The following RTN1 variants were observed in gnomAD, a reference collection of about 807,000 sequenced individuals.
RTN1 encodes reticulon-1.
RTN1 carries 25 observed loss-of-function variants against 65.5 expected under a neutral mutation model. That is an observed-to-expected ratio of 0.38 (90% confidence interval 0.28 to 0.53). The LOEUF (loss-of-function observed/expected upper bound fraction) is 0.53, where lower values mean the gene tolerates loss of function less well. Ranked by LOEUF, RTN1 falls within the 20% of genes least tolerant of loss-of-function variation. The pLI is 0.79. For synonymous variants in RTN1, 471 were observed against 447.6 expected (o/e 1.05, Z -0.66); for missense variants, 983 against 1,025.4 (o/e 0.96, Z 0.57).
intron 3 of RTN1, among the ~76,000 whole-genome samples, chr14:59,637,855 C>A (rs991084583): frequency 6.6e-6 from 1 of 151,470 alleles, no homozygotes; most frequent in African/African-American, 2.4e-5. Context: ...TATAGACTTA[C>A]AATTTTTTTT....
intron 1 of RTN1, among the ~76,000 whole-genome samples, chr14:59,802,588 T>C (rs767008540): frequency 6.6e-6 from 1 of 152,226 alleles, no homozygotes; most frequent in African/African-American, 2.4e-5. Context: ...TTATATGAGA[T>C]GGCATTTGGA....
Position 59,673,070 on chromosome 14 carries a change from T to G in RTN1, c.1765+53849A>C, listed in dbSNP as rs1256622762. The stretch of plus-strand genomic sequence containing the variant: ...CAACTTTCATTTTTTAAATGAAAAC[T>G]TTTATTGAAATACTTGTATAATACT... On this transcript the variant is annotated intron_variant, in intron 3 of 8. Transcript: ENST00000267484. 2.6e-5 allele frequency among the ~76,000 whole-genome samples: 4 copies of G among 152,244 alleles called. No homozygotes were observed. The East Asian group carries it at 7.7e-4, about 29-fold the overall frequency.
intron 3 of RTN1, among the ~76,000 whole-genome samples, chr14:59,691,280 C>T (rs752212896): frequency 6.6e-6 from 1 of 152,058 alleles, no homozygotes; most frequent in Non-Finnish European, 1.5e-5. Flanking sequence ...AGAAATATAA[C>T]AAATCCTCAG....
chr14:59,604,329 G>T (rs1368282513), intron 5 of RTN1: 1 of 157,954 alleles, frequency 6.3e-6, no homozygotes, highest in African/African-American at 2.4e-5. Context: ...ACACAGTCAA[G>T]CCCTTCCTTT....
At chr14:59,724,999 G>A (rs1023688667) in intron 3 of RTN1, among the ~76,000 whole-genome samples, 7 of 152,060 alleles carry the variant, frequency 4.6e-5, no homozygotes, top group East Asian at 1.9e-4. Context: ...ACCTTGGCAC[G>A]CCCTCATCTT....
In RTN1 at chr14:59,774,801, A is replaced by AGGTC. The variant is rs1456294501; in HGVS notation, c.242-28321_242-28320insGACC. Among the ~76,000 whole-genome samples, 20 of 152,314 alleles carry AGGTC rather than the reference A, an allele frequency of 1.3e-4. No homozygotes were observed. Among genetic ancestry groups the AGGTC allele is most frequent in the African/African-American group, 3.8e-4 (16 of 41,592 alleles). On this transcript the variant is annotated intron_variant, in intron 1 of 8. Coordinates refer to ENST00000267484, the MANE Select transcript of RTN1 (RefSeq NM_021136.3). This position sits in a 1 kb window ranked among gnomAD's most constrained non-coding sequence, Gnocchi z 5.1. Reference sequence around the variant, plus strand: ...GCCAACTCACAACATCTCCCCAAGGAGACCACATGATCAGAACTCACTCTT... The same window carrying AGGTC: ...GCCAACTCACAACATCTCCCCAAGGAGGTCGACCACATGATCAGAACTCACTCTT...
At chr14:59,823,221 A>G (rs1232144540) in intron 1 of RTN1, among the ~76,000 whole-genome samples, 2 of 151,942 alleles carry the variant, frequency 1.3e-5, no homozygotes, top group African/African-American at 4.8e-5. Flanking sequence ...AAGAGAGTTA[A>G]GTCTTCTTGT....
chr14:59,726,304 A>C (rs2139476304), intron 3 of RTN1, among the ~76,000 whole-genome samples: 1 of 152,378 alleles, frequency 6.6e-6, no homozygotes, highest in East Asian at 1.9e-4. Flanking sequence ...AGACTTTAAA[A>C]GTGAATGAAT....
chr14:59,689,986 T>C (rs1398450957), intron 3 of RTN1, among the ~76,000 whole-genome samples: 5 of 22,656 alleles, frequency 2.2e-4, no homozygotes, highest in Non-Finnish European at 4.6e-4. Context: ...GTAATTTCCT[T>C]TTTTTTTTTT....
chr14:59,686,437 T>C (rs1883848481), intron 3 of RTN1, among the ~76,000 whole-genome samples: 1 of 152,238 alleles, frequency 6.6e-6, no homozygotes, highest in Admixed American at 6.5e-5. Context: ...AAGGAGTTAC[T>C]ATTCAAAATG....
rs550423086 is a variant in RTN1, at chr14:59,730,469, G to A, written c.1016-2801C>T. ...TCTTCATGACCTTGGATTAGAAATCGTTTCAGAGATATGACACCAAAAACA... is the reference window on the plus strand; with the variant it reads ...TCTTCATGACCTTGGATTAGAAATCATTTCAGAGATATGACACCAAAAACA... On this transcript the variant is annotated intron_variant, in intron 2 of 8. Coordinates refer to ENST00000267484, the MANE Select transcript of RTN1 (RefSeq NM_021136.3). Among the ~76,000 whole-genome samples, 10 of 152,254 alleles carry A rather than the reference G, an allele frequency of 6.6e-5. No individual in the cohort carries two copies. The East Asian group carries it at 1.5e-3, about 23-fold the overall frequency.
At chr14:59,617,622 G>T (rs1882139616) in intron 3 of RTN1, among the ~76,000 whole-genome samples, 1 of 152,138 alleles carries the variant, frequency 6.6e-6, no homozygotes, top group Admixed American at 6.6e-5. Flanking sequence ...TGTTCTTGAG[G>T]TTTTTTCTGC....
chr14:59,784,599 G>A (rs1320794778), intron 1 of RTN1, among the ~76,000 whole-genome samples: 2 of 152,180 alleles, frequency 1.3e-5, no homozygotes, highest in Admixed American at 6.5e-5. Context: ...CTTTAATACT[G>A]TTGGAAAATA....
Position 59,727,466 on chromosome 14 carries a change from C to A in RTN1, c.1218G>T (p.Ala406=). Reference sequence around the variant, plus strand: ...GCTCGATCTCTGAGTCCCCCGACTCCGCGCTGCTGGCCTCGTGGTCCAGGG... The same window carrying A: ...GCTCGATCTCTGAGTCCCCCGACTCAGCGCTGCTGGCCTCGTGGTCCAGGG... The part of the protein sequence containing the change: ...PSPLDHEASS[A]ESGDSEIELV... Residue 406 remains alanine, a synonymous_variant, in exon 3 of 9, where the codon GCG becomes GCT. Coordinates refer to ENST00000267484, the MANE Select transcript of RTN1 (RefSeq NM_021136.3). The surrounding 1 kb of genome is among the most constrained non-coding windows in gnomAD (Gnocchi z 4.2). 1 of 1,568,244 alleles carries A rather than the reference C, an allele frequency of 6.4e-7. No homozygotes were observed.
chr14:59,858,891 G>A (rs1448010851), intron 1 of RTN1, among the ~76,000 whole-genome samples: 1 of 152,090 alleles, frequency 6.6e-6, no homozygotes, highest in Non-Finnish European at 1.5e-5. Context: ...AGATAATTCA[G>A]CAAAAAGAAT....
At chr14:59,669,033 G>C (rs1289635303) in intron 3 of RTN1, among the ~76,000 whole-genome samples, 2 of 152,022 alleles carry the variant, frequency 1.3e-5, no homozygotes, top group Non-Finnish European at 2.9e-5. Context: ...CAACCACTGT[G>C]GAAGACAGTG....
chr14:59,732,309 T>G (rs941680071), intron 2 of RTN1, among the ~76,000 whole-genome samples: 6 of 152,160 alleles, frequency 3.9e-5, no homozygotes, highest in Middle Eastern at 3.2e-3. Flanking sequence ...AGTAGGTATA[T>G]GGAGCGGCCA....
chr14:59,727,315 C>A lies in RTN1; in HGVS notation c.1369G>T (p.Glu457Ter). 1 of 1,496,596 alleles carries A rather than the reference C, an allele frequency of 6.7e-7. No homozygotes were observed. The highest frequency in any genetic ancestry group is 8.9e-7 in the Non-Finnish European group (1 of 1,122,504). 92.7% of individuals were successfully genotyped at this position (1,496,596 alleles called of 1,614,324 possible). Residue 457 changes from glutamate (E) to a stop codon, truncating the protein, a stop_gained, in exon 3 of 9, where the codon GAG (glutamate) becomes TAG (stop). Transcript: ENST00000267484. LOFTEE classifies it high-confidence loss of function. The surrounding 1 kb of genome is among the most constrained non-coding windows in gnomAD (Gnocchi z 4.2). ...PSIQYSILRE[E>*]REAELDSELI... ...TCGCTGTCCAGCTCGGCCTCGCGCT[C>A]CTCCCTCAGGATGCTGTACTGGATG...
intron 3 of RTN1, among the ~76,000 whole-genome samples, chr14:59,711,379 A>G (rs887467711): frequency 7.2e-5 from 11 of 152,226 alleles, no homozygotes; most frequent in Middle Eastern, 3.2e-3. Flanking sequence ...TGATCACTCC[A>G]GGAATGAACA....
Sources: allele counts gnomAD v4.1 joint callset (sites outside exome capture counted in the v4.1 genomes callset), GRCh38; gene constraint gnomAD v4.1.1; non-coding constraint Gnocchi (gnomAD v3.1); transcripts MANE v1.5; gene names NCBI Gene and HGNC (gene_info 2026-07-23, HGNC 2026-07-21).